The following PSD3 variants were observed in gnomAD, a reference collection of about 807,000 sequenced individuals.
PSD3 encodes the protein pleckstrin and Sec7 domain containing 3.
A neutral mutation model predicts 105.5 loss-of-function variants in PSD3; 49 were observed. The observed-to-expected ratio is 0.46, with a 90% CI of 0.37 to 0.59. The LOEUF is 0.59. Ranked by LOEUF, PSD3 falls within the 20% of genes least tolerant of loss-of-function variation. PSD3 has a pLI of 0.00. For synonymous variants in PSD3, 557 were observed against 457.8 expected (o/e 1.22, Z -2.77); for missense variants, 1,561 against 1,263.8 (o/e 1.24, Z -3.57).
chr8:18,612,903 T>C (rs1397700079), intron 11 of PSD3, among the ~76,000 whole-genome samples: 1 of 152,066 alleles, frequency 6.6e-6, no homozygotes, highest in Non-Finnish European at 1.5e-5. Flanking sequence ...GTCGCTCAGA[T>C]CTAACTTAAA....
intron 1 of PSD3, among the ~76,000 whole-genome samples, chr8:19,020,853 C>T (rs991858224): frequency 6.6e-6 from 1 of 152,168 alleles, no homozygotes; most frequent in Non-Finnish European, 1.5e-5. Flanking sequence ...CATTAACTAA[C>T]TGGGGAAGAC....
At chr8:19,037,739 C>T (rs1307094439) in intron 1 of PSD3, among the ~76,000 whole-genome samples, 1 of 152,098 alleles carries the variant, frequency 6.6e-6, no homozygotes, top group African/African-American at 2.4e-5. Flanking sequence ...ACACTCAGAA[C>T]AGAACTTGCA....
intron 9 of PSD3, among the ~76,000 whole-genome samples, chr8:18,699,787 A>G (rs1385258012): frequency 6.6e-6 from 1 of 152,100 alleles, no homozygotes; most frequent in Non-Finnish European, 1.5e-5. Flanking sequence ...AGTTTTAGTT[A>G]TTACCAGTAT....
At chr8:18,992,859 A>C (rs1278960636) in intron 1 of PSD3, among the ~76,000 whole-genome samples, 2 of 136,746 alleles carry the variant, frequency 1.5e-5, no homozygotes, top group African/African-American at 5.1e-5. Context: ...CAAGATTTCT[A>C]AGGTCCGTCT....
At chr8:18,760,943 C>T (rs1806475243) in intron 9 of PSD3, among the ~76,000 whole-genome samples, 1 of 152,166 alleles carries the variant, frequency 6.6e-6, no homozygotes, top group Non-Finnish European at 1.5e-5. Flanking sequence ...TTAATCACTT[C>T]AAGTAATTCA....
intron 9 of PSD3, among the ~76,000 whole-genome samples, chr8:18,672,001 T>G (rs1314690493): frequency 6.6e-6 from 1 of 152,222 alleles, no homozygotes; most frequent in African/African-American, 2.4e-5. Context: ...AAAACTTGTC[T>G]AGTTTAGACA....
intron 1 of PSD3, among the ~76,000 whole-genome samples, chr8:19,052,884 G>A (rs2129477229): frequency 6.6e-6 from 1 of 152,202 alleles, no homozygotes; most frequent in East Asian, 1.9e-4. Context: ...GTAGGTAGAG[G>A]AAGTCCAGCC....
intron 14 of PSD3, among the ~76,000 whole-genome samples, chr8:18,566,669 A>C (rs1032928671): frequency 2.0e-5 from 3 of 152,178 alleles, no homozygotes; most frequent in Admixed American, 2.0e-4. Flanking sequence ...TTTCCAAATA[A>C]ATTAAATTCC....
At chr8:18,704,664 T>C (rs1173783865) in intron 9 of PSD3, among the ~76,000 whole-genome samples, 1 of 152,172 alleles carries the variant, frequency 6.6e-6, no homozygotes, top group South Asian at 2.1e-4. Context: ...TTATTGTGAG[T>C]TTCCATCTCA....
intron 4 of PSD3, among the ~76,000 whole-genome samples, chr8:18,851,622 C>G (rs1311894354): frequency 6.6e-6 from 1 of 152,378 alleles, no homozygotes; most frequent in South Asian, 2.1e-4. Flanking sequence ...GTGACACAAC[C>G]CAGCTGTGCA....
At chr8:18,970,691 G>C (rs189967590) in intron 1 of PSD3, among the ~76,000 whole-genome samples, 6 of 151,880 alleles carry the variant, frequency 4.0e-5, no homozygotes, top group South Asian at 2.1e-4. Context: ...GCGGTGGTTC[G>C]TGCCTATAAT....
At chr8:18,780,083 C>T (rs1808461688) in intron 8 of PSD3, among the ~76,000 whole-genome samples, 1 of 152,168 alleles carries the variant, frequency 6.6e-6, no homozygotes, top group Non-Finnish European at 1.5e-5. Flanking sequence ...ATAATGTTTG[C>T]TTTCTATATC....
At chr8:18,849,954 C>G (rs558806284) in intron 4 of PSD3, among the ~76,000 whole-genome samples, 8 of 152,342 alleles carry the variant, frequency 5.3e-5, no homozygotes, top group African/African-American at 1.7e-4. Context: ...TCTGGTTAAT[C>G]AGCTGCAGAG....
chr8:18,537,934 C>T (rs1257861157), intron 15 of PSD3, among the ~76,000 whole-genome samples: 2 of 152,334 alleles, frequency 1.3e-5, no homozygotes, highest in Middle Eastern at 3.4e-3. Flanking sequence ...GCCTCGGCCT[C>T]CCAAAGTGCT....
chr8:18,721,616 C>T (rs1218427672), intron 9 of PSD3, among the ~76,000 whole-genome samples: 2 of 152,150 alleles, frequency 1.3e-5, no homozygotes, highest in African/African-American at 4.8e-5. Context: ...AACAACAAGA[C>T]CAGAGATGGG....
chr8:18,973,292 CT>C (rs1475006010), intron 1 of PSD3, among the ~76,000 whole-genome samples: 3 of 152,230 alleles, frequency 2.0e-5, no homozygotes. Flanking sequence ...CTAGATTTGT[CT>C]GCTTAGGCTG....
chr8:18,838,085 A>C (rs1586181102), intron 4 of PSD3, among the ~76,000 whole-genome samples: 2 of 152,356 alleles, frequency 1.3e-5, no homozygotes, highest in East Asian at 3.9e-4. Context: ...CATTGATCAA[A>C]TGAATCATAT....
At chr8:19,061,174 C>T (rs969874395) in intron 1 of PSD3, among the ~76,000 whole-genome samples, 3 of 152,108 alleles carry the variant, frequency 2.0e-5, no homozygotes, top group Non-Finnish European at 2.9e-5. Context: ...TATATAAAAT[C>T]GTAGTTGACT....
In PSD3 at chr8:18,872,114, C is replaced by G; in HGVS notation, c.750G>C (p.Leu250Phe). 6.2e-7 allele frequency: 1 copy of G among 1,614,112 alleles called. No homozygotes were observed. Among genetic ancestry groups the G allele is most frequent in the Admixed American group, 1.7e-5 (1 of 60,022 alleles). ...AVCVQEPSCPLASLGSSAVTC... is the reference protein window; with the variant it reads ...AVCVQEPSCPFASLGSSAVTC... The stretch of plus-strand genomic sequence containing the variant: ...TCACTGCTGAGCTCCCGAGGGAGGC[C>G]AAAGGACAAGATGGCTCCTGCACAC... The change falls in exon 3 of 16, where the codon TTG becomes TTC. Residue 250 changes from leucine (L) to phenylalanine (F), a missense_variant. Physicochemically the swap from Leu to Phe is conservative, Grantham distance 22. Coordinates refer to ENST00000327040, the MANE Select transcript of PSD3 (RefSeq NM_015310.4).
Sources: allele counts gnomAD v4.1 joint callset (sites outside exome capture counted in the v4.1 genomes callset), GRCh38; gene constraint gnomAD v4.1.1; transcripts MANE v1.5; gene names NCBI Gene and HGNC (gene_info 2026-07-23, HGNC 2026-07-21).